Variants in NELFB observed in about 807,000 individuals in gnomAD.
NELFB encodes negative elongation factor complex member B.
A neutral mutation model predicts 60.2 loss-of-function variants in NELFB; 34 were observed. That is an observed-to-expected ratio of 0.56 (90% CI 0.43 to 0.75). NELFB has a LOEUF of 0.75. NELFB is among the 30% of genes least tolerant of loss of function. The pLI, the probability that NELFB is intolerant of heterozygous loss-of-function variation, is 0.00. For missense variants in NELFB, 770 were observed against 831.6 expected (o/e 0.93, Z 0.91); for synonymous variants, 459 against 382.1 (o/e 1.20, Z -2.35).
chr9:137,261,296 C>T (rs375894761), intron 4 of NELFB, among the ~76,000 whole-genome samples: 19 of 147,172 alleles, frequency 1.3e-4, no homozygotes, highest in African/African-American at 3.5e-4. Context: ...GCTGAGATCA[C>T]GCCACTGCAC....
intron 7 of NELFB, 99 bp from the exon 8 acceptor site, chr9:137,266,232 G>A: frequency 1.9e-6 from 2 of 1,070,352 alleles, no homozygotes; most frequent in Non-Finnish European, 2.7e-6. Flanking sequence ...TCCTGGCCAT[G>A]GGCACCAGAG....
At chr9:137,263,522 CCCT>C (rs1466488714) in intron 5 of NELFB, among the ~76,000 whole-genome samples, 1 of 148,986 alleles carries the variant, frequency 6.7e-6, no homozygotes, top group African/African-American at 2.5e-5. Flanking sequence ...TTCCCCCTGG[CCCT>C]CCTGGCTCCT....
intron 1 of NELFB, 27 bp downstream of exon 1, chr9:137,255,638 G>C: frequency 6.5e-7 from 1 of 1,535,380 alleles, no homozygotes. Context: ...GGCGGGGGGA[G>C]CCCAGTTGGA....
At chr9:137,272,639 C>T (rs1314922485) in intron 12 of NELFB, 24 bp downstream of exon 12, 1 of 1,561,838 alleles carries the variant, frequency 6.4e-7, no homozygotes, top group East Asian at 2.4e-5. Flanking sequence ...GGGGCTGCAT[C>T]TGAAGGCACC....
intron 10 of NELFB, among the ~76,000 whole-genome samples, chr9:137,267,686 G>T (rs1830537980): frequency 6.6e-6 from 1 of 151,936 alleles, no homozygotes; most frequent in Non-Finnish European, 1.5e-5. Context: ...TAGAGACGGG[G>T]TTTCTCCATG....
rs529797868 is a variant in NELFB, at chr9:137,266,645, G to A, written c.1239+219G>A. 3.9e-5 allele frequency among the ~76,000 whole-genome samples: 6 copies of A among 152,038 alleles called. No individual in the cohort carries two copies. In the East Asian group the frequency reaches 1.2e-3, roughly 29 times the overall value. ...TGGTTCTGGGGTATCTCCATGGCCC[G>A]TGGCTGGTTCTGGGGTGTCTCCGTG... On this transcript the variant is annotated intron_variant, in intron 8 of 12. Coordinates refer to ENST00000343053, the MANE Select transcript of NELFB (RefSeq NM_015456.5).
chr9:137,265,859 A>T lies in NELFB; in HGVS notation c.1041-18A>T. On this transcript the variant is annotated intron_variant, in intron 6 of 12. Coordinates refer to ENST00000343053, the MANE Select transcript of NELFB (RefSeq NM_015456.5). ...GGGCAACAGGCGTCGCATTAATGCCAGGGCGGCCTCCTTCCAGGGACCTGT... is the reference window on the plus strand; with the variant it reads ...GGGCAACAGGCGTCGCATTAATGCCTGGGCGGCCTCCTTCCAGGGACCTGT... 6.4e-7 allele frequency: 1 copy of T among 1,574,128 alleles called. No individual in the cohort carries two copies. The highest frequency in any genetic ancestry group is 8.7e-7 in the Non-Finnish European group (1 of 1,144,628).
At chr9:137,272,649 C>G (rs986354987) in intron 12 of NELFB, 34 bp downstream of exon 12, 15 of 1,555,282 alleles carry the variant, frequency 9.6e-6, no homozygotes, top group Non-Finnish European at 1.3e-5. Context: ...CTGAAGGCAC[C>G]TGGTCCCTAC....
intron 4 of NELFB, among the ~76,000 whole-genome samples, chr9:137,257,708 G>C (rs1422727580): frequency 2.6e-5 from 4 of 151,990 alleles, no homozygotes; most frequent in African/African-American, 9.7e-5. Context: ...CTCCATGTTG[G>C]TCAGGCTGGT....
chr9:137,255,703 G>T, intron 1 of NELFB, 92 bp downstream of exon 1: 1 of 1,450,054 alleles, frequency 6.9e-7, no homozygotes, highest in Non-Finnish European at 9.3e-7. Context: ...GAAGTTTTCC[G>T]GCTTTCTGCT....
chr9:137,262,549 A>G (rs919785939), intron 4 of NELFB, among the ~76,000 whole-genome samples: 2 of 152,252 alleles, frequency 1.3e-5, no homozygotes, highest in Non-Finnish European at 2.9e-5. Context: ...AATTGCTACA[A>G]GCTAATGACT....
Position 137,267,038 on chromosome 9 carries a change from A to G in NELFB, c.1334A>G (p.Glu445Gly). The change falls in exon 9 of 13, where the codon GAG becomes GGG. Residue 445 changes from glutamate (E) to glycine (G), a missense_variant. Transcript: ENST00000343053. ...GTGGATCAGAAACTTCCGGCTGAGGAGAAAGCCCCAGTCTCATATCCAAAC... is the reference window on the plus strand; with the variant it reads ...GTGGATCAGAAACTTCCGGCTGAGGGGAAAGCCCCAGTCTCATATCCAAAC... 6.2e-7 allele frequency: 1 copy of G among 1,614,080 alleles called. No homozygotes were observed. Among genetic ancestry groups the G allele is most frequent in the Non-Finnish European group, 8.5e-7 (1 of 1,180,018 alleles).
intron 4 of NELFB, among the ~76,000 whole-genome samples, chr9:137,262,260 C>T (rs956442469): frequency 6.6e-6 from 1 of 152,162 alleles, no homozygotes; most frequent in South Asian, 2.1e-4. Flanking sequence ...GAAAGGGAGA[C>T]TCCCTTTCCC....
intron 1 of NELFB, 39 bp downstream of exon 1, chr9:137,255,650 G>A (rs1017697327): frequency 2.0e-6 from 3 of 1,520,054 alleles, no homozygotes; most frequent in Admixed American, 4.5e-5. Context: ...CCAGTTGGAG[G>A]GCCGGGCCGC....
intron 8 of NELFB, 26 bp from the exon 9 acceptor site, chr9:137,266,918 C>T: frequency 6.2e-7 from 1 of 1,611,076 alleles, no homozygotes; most frequent in African/African-American, 1.3e-5. Flanking sequence ...GGGCCCGCGC[C>T]CGCTCATGGC....
Position 137,265,914 on chromosome 9 carries a change from A to ATCCTGTGTG in NELFB, c.1078_1079insTCCTGTGTG (p.Asn360delinsIleLeuCysAsp). ...GATCCTGTGTGACCCCTTCGCCATC[A>ATCCTGTGTG]ACACGCTGGCACTGAGCACAGTCAG... On this transcript the variant is annotated protein_altering_variant, in exon 7 of 13. Transcript: ENST00000343053. 6.2e-7 allele frequency: 1 copy of ATCCTGTGTG among 1,613,212 alleles called. No homozygotes were observed. Among genetic ancestry groups the ATCCTGTGTG allele is most frequent in the South Asian group, 1.1e-5 (1 of 91,082 alleles).
rs552271125 is a variant in NELFB at position 137,271,523 on chromosome 9, G to A, written c.1490-558G>A. 2.9e-3 allele frequency among the ~76,000 whole-genome samples: 441 copies of A among 152,372 alleles called. 4 individuals carry two copies. Among genetic ancestry groups the A allele is most frequent in the South Asian group, 8.1e-3 (39 of 4,828 alleles). ...ACACCGTGGCTTCTGTGCTGTGGTCGCACGTGAGGCGTCTGTGGGCACGAA... is the reference window on the plus strand; with the variant it reads ...ACACCGTGGCTTCTGTGCTGTGGTCACACGTGAGGCGTCTGTGGGCACGAA... On this transcript the variant is annotated intron_variant, in intron 10 of 12. Coordinates refer to ENST00000343053, the MANE Select transcript of NELFB (RefSeq NM_015456.5).
chr9:137,270,549 C>G (rs1392471528), intron 10 of NELFB, among the ~76,000 whole-genome samples: 4 of 152,238 alleles, frequency 2.6e-5, no homozygotes, highest in African/African-American at 9.6e-5. Context: ...GAGATTGCAC[C>G]ACTGCACTCC....
At chr9:137,260,919 C>A (rs1830431762) in intron 4 of NELFB, among the ~76,000 whole-genome samples, 1 of 149,216 alleles carries the variant, frequency 6.7e-6, no homozygotes, top group Non-Finnish European at 1.5e-5. Context: ...ATTAACCAGA[C>A]CTGGTGGTGT....
Sources: gnomAD v4.1 joint callset for allele counts (sites outside exome capture counted in the v4.1 genomes callset) on GRCh38, gnomAD v4.1.1 for gene constraint, MANE v1.5 for transcripts, NCBI Gene and HGNC (gene_info 2026-07-23, HGNC 2026-07-21) for gene names.